ASB3: variants seen among roughly 807,000 people sequenced by gnomAD.
ASB3 encodes the protein ankyrin repeat and SOCS box protein 3.
ASB3 carries 41 observed loss-of-function variants against 54.5 expected under a neutral mutation model. The ratio of observed to expected loss-of-function variants is 0.75; its 90% CI spans 0.59 to 0.98. ASB3 has a LOEUF of 0.98. Ranked by LOEUF, ASB3 falls within the 50% of genes least tolerant of loss-of-function variation. The pLI is 0.00. For synonymous variants in ASB3, 266 were observed against 221.2 expected, an observed-to-expected ratio of 1.20 and a Z score of -1.80; for missense variants, 733 against 620.0, an observed-to-expected ratio of 1.18 and a Z score of -1.94.
Position 53,747,391 on chromosome 2 carries a change from T to A in ASB3, c.355+3392A>T, listed in dbSNP as rs573542523. Reference sequence around the variant, plus strand: ...TGAAACCCCATCTCTACTAAAAATATAAAAATTAGCCAGGCGTGGTGGCGG... The same window carrying A: ...TGAAACCCCATCTCTACTAAAAATAAAAAAATTAGCCAGGCGTGGTGGCGG... On this transcript the variant is annotated intron_variant, in intron 3 of 9. Coordinates refer to ENST00000263634, the MANE Select transcript of ASB3 (RefSeq NM_016115.5). 3.3e-5 allele frequency among the ~76,000 whole-genome samples: 5 copies of A among 151,704 alleles called. No homozygotes were observed. In the South Asian group the frequency reaches 1.0e-3, roughly 32 times the overall value.
intron 5 of ASB3, among the ~76,000 whole-genome samples, chr2:53,727,646 T>A (rs959857684): frequency 6.6e-6 from 1 of 152,162 alleles, no homozygotes; most frequent in Non-Finnish European, 1.5e-5. Context: ...AATCAATCAA[T>A]AAACAAGCAA....
chr2:53,766,644 T>G (rs984215034), intron 1 of ASB3, among the ~76,000 whole-genome samples: 4 of 152,196 alleles, frequency 2.6e-5, no homozygotes, highest in Non-Finnish European at 5.9e-5. Flanking sequence ...AAAATGGTAA[T>G]TACTGGATCT....
At chr2:53,672,106 A>C (rs1667853524) in intron 9 of ASB3, among the ~76,000 whole-genome samples, 1 of 152,198 alleles carries the variant, frequency 6.6e-6, no homozygotes, top group South Asian at 2.1e-4. Context: ...TTTTTAGTTT[A>C]CTAGTTTAGG....
chr2:53,751,643 T>C (rs1299099648), intron 2 of ASB3, among the ~76,000 whole-genome samples: 1 of 152,112 alleles, frequency 6.6e-6, no homozygotes, highest in African/African-American at 2.4e-5. Flanking sequence ...GGTGAAGACA[T>C]TTCTGAGAGC....
chr2:53,750,887 T>A lies in ASB3; in HGVS notation c.251A>T (p.His84Leu). 1 of 1,602,114 alleles carries A rather than the reference T, an allele frequency of 6.2e-7. No homozygotes were observed. The highest frequency in any genetic ancestry group is 8.5e-7 in the Non-Finnish European group (1 of 1,174,106). Residue 84 changes from histidine (H) to leucine (L), a missense_variant, in exon 3 of 10, where the codon CAT becomes CTT. Coordinates refer to ENST00000263634, the MANE Select transcript of ASB3 (RefSeq NM_016115.5). ...CCAATGTCCTTGACTTGCAGCGAGA[T>A]GCAAAGCACAGAAACCTTCAAAGGT... ...MKTFEGFCAL[H>L]LAASQGHWKI...
intron 2 of ASB3, among the ~76,000 whole-genome samples, chr2:53,757,936 C>A (rs1672926290): frequency 6.6e-6 from 1 of 152,118 alleles, no homozygotes; most frequent in African/African-American, 2.4e-5. Flanking sequence ...AGTACTTTAA[C>A]AACTGGAACT....
intron 3 of ASB3, among the ~76,000 whole-genome samples, chr2:53,739,636 A>C (rs902795200): frequency 2.0e-5 from 3 of 152,170 alleles, no homozygotes; most frequent in East Asian, 1.9e-4. Context: ...AGTGAGTTTT[A>C]TCTCTATTAG....
chr2:53,755,686 C>T (rs966409276), intron 2 of ASB3, among the ~76,000 whole-genome samples: 1 of 152,152 alleles, frequency 6.6e-6, no homozygotes, highest in Non-Finnish European at 1.5e-5. Flanking sequence ...TCAGACAACC[C>T]TCAGCAGAGA....
At chr2:53,728,178 G>A (rs1018610154) in intron 5 of ASB3, among the ~76,000 whole-genome samples, 1 of 152,124 alleles carries the variant, frequency 6.6e-6, no homozygotes, top group Non-Finnish European at 1.5e-5. Context: ...GTCACTTAGA[G>A]TAAGAATGCC....
intron 7 of ASB3, among the ~76,000 whole-genome samples, chr2:53,701,695 T>C (rs1348447629): frequency 2.0e-5 from 3 of 152,330 alleles, no homozygotes; most frequent in African/African-American, 4.8e-5. Context: ...TTTTAAACAA[T>C]GTGTTAGTTA....
chr2:53,680,633 G>C (rs1558512622), intron 9 of ASB3, among the ~76,000 whole-genome samples: 1 of 152,114 alleles, frequency 6.6e-6, no homozygotes, highest in South Asian at 2.1e-4. Context: ...TGGGGTACAT[G>C]AGATACTTTG....
intron 9 of ASB3, among the ~76,000 whole-genome samples, chr2:53,672,800 A>G (rs1047197406): frequency 2.0e-5 from 3 of 152,066 alleles, no homozygotes; most frequent in African/African-American, 7.2e-5. Flanking sequence ...ATCCTTCCAT[A>G]TTTTTACAGG....
At chr2:53,768,120 T>G in intron 1 of ASB3, 1 of 1,358,638 alleles carries the variant, frequency 7.4e-7, no homozygotes. Context: ...ACCTTAGCGC[T>G]TCATGGGGCC....
At chr2:53,775,373 A>T (rs902235321) in intron 1 of ASB3, among the ~76,000 whole-genome samples, 1 of 152,156 alleles carries the variant, frequency 6.6e-6, no homozygotes, top group African/African-American at 2.4e-5. Context: ...ATATATATAC[A>T]TATAAAATTT....
At chr2:53,712,766 A>G (rs1347166161) in intron 7 of ASB3, among the ~76,000 whole-genome samples, 3 of 152,000 alleles carry the variant, frequency 2.0e-5, no homozygotes, top group African/African-American at 7.2e-5. Flanking sequence ...ACACACACAC[A>G]CAGGCGCGCG....
intron 3 of ASB3, among the ~76,000 whole-genome samples, chr2:53,735,629 A>G (rs1671584689): frequency 6.6e-6 from 1 of 151,794 alleles, no homozygotes; most frequent in Non-Finnish European, 1.5e-5. Context: ...TATTGTCTTA[A>G]TAGTTGGAAA....
chr2:53,717,368 T>C (rs1240355229), intron 5 of ASB3, among the ~76,000 whole-genome samples: 1 of 152,218 alleles, frequency 6.6e-6, no homozygotes, highest in African/African-American at 2.4e-5. Context: ...TTAAAACTAA[T>C]ATTGACTATA....
At chr2:53,711,749 G>A (rs1670110706) in intron 7 of ASB3, among the ~76,000 whole-genome samples, 1 of 152,014 alleles carries the variant, frequency 6.6e-6, no homozygotes, top group African/African-American at 2.4e-5. Context: ...ACTCCAGTCT[G>A]GGCAACACAG....
intron 7 of ASB3, among the ~76,000 whole-genome samples, chr2:53,704,376 A>G (rs999941824): frequency 2.1e-5 from 3 of 145,206 alleles, no homozygotes; most frequent in Admixed American, 6.9e-5. Flanking sequence ...AAAAAAAAAA[A>G]GGGAAAAAAT....
Sources: allele counts gnomAD v4.1 joint callset (sites outside exome capture counted in the v4.1 genomes callset), GRCh38; gene constraint gnomAD v4.1.1; transcripts MANE v1.5; gene names NCBI Gene and HGNC (gene_info 2026-07-23, HGNC 2026-07-21).